Variants in STAM observed in about 807,000 individuals in gnomAD.
STAM encodes signal transducing adaptor molecule.
Under a neutral mutation model 63.4 loss-of-function variants are expected in STAM, and 16 were observed. The observed-to-expected ratio is 0.25, with a 90% CI of 0.17 to 0.38. STAM has a LOEUF of 0.38. Among genes scored for constraint, STAM ranks in the 10% least tolerant of loss-of-function variants. STAM has a pLI of 1.00. For synonymous variants in STAM, 238 were observed against 223.9 expected (o/e 1.06, Z -0.56); for missense variants, 636 against 657.1 (o/e 0.97, Z 0.35).
chr10:17,700,058 A>G (rs1835922130), intron 8 of STAM, 133 bp from the exon 9 acceptor site: 4 of 569,926 alleles, frequency 7.0e-6, no homozygotes, highest in African/African-American at 2.0e-5. Flanking sequence ...CAACTCAGTT[A>G]TTTCTTAAAT....
At chr10:17,692,494 A>G (rs797030356) in intron 5 of STAM, among the ~76,000 whole-genome samples, 4 of 152,298 alleles carry the variant, frequency 2.6e-5, no homozygotes, top group African/African-American at 7.2e-5. Context: ...AGTTTCTGGT[A>G]ACTGGCAGAA....
In STAM at chr10:17,688,056, G is replaced by A. The variant is rs1835367016; in HGVS notation, c.327G>A (p.Lys109=). 6.3e-7 allele frequency: 1 copy of A among 1,596,998 alleles called. No individual in the cohort carries two copies. Among genetic ancestry groups the A allele is most frequent in the Non-Finnish European group, 8.5e-7 (1 of 1,173,028 alleles). The change falls in exon 5 of 14, where the codon AAG becomes AAA. Residue 109 remains lysine (K), a synonymous_variant. Transcript: ENST00000377524. ...ATCCTAAAGTATGTGAAAAATTAAA[G>A]GCTCTTATGGTTGAATGGACAGATG... ...KGHPKVCEKL[K]ALMVEWTDEF...
At chr10:17,699,704 G>C (rs1554828107) in intron 8 of STAM, among the ~76,000 whole-genome samples, 2 of 152,198 alleles carry the variant, frequency 1.3e-5, no homozygotes, top group Non-Finnish European at 1.5e-5. Flanking sequence ...TGGCACGCCA[G>C]ATAATACATA....
intron 2 of STAM, among the ~76,000 whole-genome samples, chr10:17,681,320 A>G (rs927558529): frequency 2.4e-4 from 36 of 147,442 alleles, no homozygotes; most frequent in Admixed American, 4.1e-4. Flanking sequence ...GTATTTTCTA[A>G]TTTCCCCTGT....
intron 2 of STAM, among the ~76,000 whole-genome samples, chr10:17,668,169 T>A (rs908726136): frequency 1.3e-5 from 2 of 152,132 alleles, no homozygotes; most frequent in African/African-American, 2.4e-5. Context: ...GAGGCAGTGA[T>A]CCAGTAGCTA....
At chr10:17,700,368 T>C in intron 9 of STAM, 89 bp downstream of exon 9, 1 of 1,025,402 alleles carries the variant, frequency 9.8e-7, no homozygotes, top group Non-Finnish European at 1.4e-6. Flanking sequence ...ACTTGAGTTT[T>C]TTTGTTGTAA....
intron 11 of STAM, 60 bp downstream of exon 11, chr10:17,705,084 T>A (rs1836198507): frequency 5.5e-6 from 8 of 1,456,676 alleles, no homozygotes; most frequent in Non-Finnish European, 7.6e-6. Flanking sequence ...ATCACTGTAC[T>A]GCAAAGTGGG....
rs559995755 is a variant in STAM at position 17,655,938 on chromosome 10, C to T, written c.41-4526C>T. On this transcript the variant is annotated intron_variant, in intron 1 of 13. Transcript: ENST00000377524. Reference sequence around the variant, plus strand: ...TGATTTTTTTAAAGTTTTTTTTCCTCCTACGTGTGTATTCTTTTTCTCTTA... The same window carrying T: ...TGATTTTTTTAAAGTTTTTTTTCCTTCTACGTGTGTATTCTTTTTCTCTTA... 2.2e-4 allele frequency among the ~76,000 whole-genome samples: 33 copies of T among 149,410 alleles called. No homozygotes were observed. The South Asian group carries it at 6.7e-3, about 30-fold the overall frequency.
Position 17,695,038 on chromosome 10 carries a change from T to C in STAM, c.536-11T>C, listed in dbSNP as rs1835694048. On this transcript the variant is annotated splice_polypyrimidine_tract_variant and intron_variant, in intron 6 of 13. Transcript: ENST00000377524. Reference sequence around the variant, plus strand: ...AACATTTTGGGTCTTTAAAAACTCATTGTTTTCTAGCCATTGAGTTGTCTC... The same window carrying C: ...AACATTTTGGGTCTTTAAAAACTCACTGTTTTCTAGCCATTGAGTTGTCTC... 2 of 1,610,120 alleles carry C rather than the reference T, an allele frequency of 1.2e-6. No homozygotes were observed. The highest frequency in any genetic ancestry group is 2.2e-5 in the East Asian group (1 of 44,826).
At chr10:17,664,357 G>C (rs1276403876) in intron 2 of STAM, among the ~76,000 whole-genome samples, 7 of 152,118 alleles carry the variant, frequency 4.6e-5, no homozygotes, top group African/African-American at 1.7e-4. Flanking sequence ...CATGCCCGCT[G>C]TCTGTCTCCA....
intron 6 of STAM, 94 bp downstream of exon 6, chr10:17,693,406 A>G (rs1835627541): frequency 1.9e-6 from 2 of 1,064,822 alleles, no homozygotes; most frequent in Non-Finnish European, 2.6e-6. Flanking sequence ...TTTATAGCAA[A>G]AAGCTGAAAT....
chr10:17,671,147 T>C (rs1834623614), intron 2 of STAM, among the ~76,000 whole-genome samples: 1 of 152,184 alleles, frequency 6.6e-6, no homozygotes, highest in Admixed American at 6.5e-5. Context: ...GTCTGCTAGG[T>C]CCTGGTATAC....
At chr10:17,662,000 C>G (rs1382487612) in intron 2 of STAM, among the ~76,000 whole-genome samples, 1 of 152,136 alleles carries the variant, frequency 6.6e-6, no homozygotes, top group South Asian at 2.1e-4. Context: ...TATCGCGTTC[C>G]CTTTTCTCCA....
In STAM at chr10:17,665,371, A is replaced by T. The variant is rs566375966; in HGVS notation, c.125+4823A>T. ...AAAAAGATGGACATTGACAAGTCTA[A>T]TTCCTATCCCTGTTTCGCTGCTCTC... On this transcript the variant is annotated intron_variant, in intron 2 of 13. Coordinates refer to ENST00000377524, the MANE Select transcript of STAM (RefSeq NM_003473.4). Among the ~76,000 whole-genome samples, 32 of 152,272 alleles carry T rather than the reference A, an allele frequency of 2.1e-4. No homozygotes were observed. In the South Asian group the frequency reaches 6.6e-3, roughly 32 times the overall value.
In STAM at chr10:17,659,286, A is replaced by G. The variant is rs528359446; in HGVS notation, c.41-1178A>G. Among the ~76,000 whole-genome samples the G allele has an allele frequency of 8.5e-5, 13 of 152,150 alleles. No individual in the cohort carries two copies. The South Asian group carries it at 2.5e-3, about 29-fold the overall frequency. ...TTGCGTCATTGCTGTCATTCATTCT[A>G]CTTACATGGAAGCATACATAAGAAT... is the stretch of plus-strand genomic sequence containing the variant. On this transcript the variant is annotated intron_variant, in intron 1 of 13. Coordinates refer to ENST00000377524, the MANE Select transcript of STAM (RefSeq NM_003473.4).
chr10:17,678,050 G>A (rs543320449), intron 2 of STAM, among the ~76,000 whole-genome samples: 19 of 152,156 alleles, frequency 1.2e-4, no homozygotes, highest in Non-Finnish European at 2.5e-4. Context: ...ATGTTCATAA[G>A]TTTGTGCAAC....
chr10:17,648,815 T>C (rs909135248), intron 1 of STAM, among the ~76,000 whole-genome samples: 1 of 152,214 alleles, frequency 6.6e-6, no homozygotes, highest in African/African-American at 2.4e-5. Context: ...CAGAGTTCTC[T>C]GGTAGCTTCC....
intron 5 of STAM, among the ~76,000 whole-genome samples, chr10:17,692,665 A>G (rs187056711): frequency 1.1e-4 from 17 of 152,322 alleles, no homozygotes; most frequent in African/African-American, 3.6e-4. Context: ...TACACAATTT[A>G]ATAGAGGCAG....
chr10:17,716,082 C>T lies in STAM; in HGVS notation c.*1302C>T, dbSNP rs1353619739. 6.6e-6 allele frequency among the ~76,000 whole-genome samples: 1 copy of T among 152,026 alleles called. No individual in the cohort carries two copies. Among genetic ancestry groups the T allele is most frequent in the Non-Finnish European group, 1.5e-5 (1 of 67,972 alleles). On this transcript the variant is annotated 3_prime_UTR_variant, in exon 14 of 14. Transcript: ENST00000377524. Reference sequence around the variant, plus strand: ...TTTAATTCATGCGAAAAATGTTTTCCACTGACATTGTAATCTTAAATATTT... The same window carrying T: ...TTTAATTCATGCGAAAAATGTTTTCTACTGACATTGTAATCTTAAATATTT...
Sources: gnomAD v4.1 joint callset for allele counts (sites outside exome capture counted in the v4.1 genomes callset) on GRCh38, gnomAD v4.1.1 for gene constraint, MANE v1.5 for transcripts, NCBI Gene and HGNC (gene_info 2026-07-23, HGNC 2026-07-21) for gene names.